The following DGKH variants were observed in gnomAD, a reference collection of about 807,000 sequenced individuals.
The protein encoded by DGKH is diacylglycerol kinase eta.
DGKH carries 90 observed loss-of-function variants against 159.3 expected under a neutral mutation model. The observed-to-expected ratio is 0.57, with a 90% CI of 0.48 to 0.67. The LOEUF (loss-of-function observed/expected upper bound fraction) is 0.67, where lower values mean the gene tolerates loss of function less well. DGKH is among the 30% of genes least tolerant of loss of function. The probability of loss-of-function intolerance (pLI) is 0.00; values close to 1 mark genes in which losing one functional copy is unlikely to be tolerated. For missense variants in DGKH, 1,181 were observed against 1,506.1 expected, an observed-to-expected ratio of 0.78 and a Z score of 3.57; for synonymous variants, 536 against 553.8, an observed-to-expected ratio of 0.97 and a Z score of 0.45.
chr13:42,190,096 GTTAAT>G (rs1306137070), intron 15 of DGKH, among the ~76,000 whole-genome samples: 1 of 152,132 alleles, frequency 6.6e-6, no homozygotes, highest in African/African-American at 2.4e-5. Flanking sequence ...TAGTCTAAAT[GTTAAT>G]TTTAGTATGA....
Position 42,155,668 on chromosome 13 carries a change from T to A in DGKH, c.491T>A (p.Val164Glu), listed in dbSNP as rs956573742. 2 of 1,614,072 alleles carry A rather than the reference T, an allele frequency of 1.2e-6. No homozygotes were observed. The highest frequency in any genetic ancestry group is 1.7e-6 in the Non-Finnish European group (2 of 1,180,028). ...KSVQTREPYEVAQFNVEHFSG... is the reference protein window; with the variant it reads ...KSVQTREPYEEAQFNVEHFSG... The stretch of plus-strand genomic sequence containing the variant: ...TCTGTCCTCACATCTCATTTCTAGG[T>A]GGCCCAGTTTAATGTGGAACATTTC... Residue 164 changes from valine to glutamate, a missense_variant and splice_region_variant, in exon 5 of 30, where the codon GTG becomes GAG. Around this residue, in one of 5 missense-constraint regions of DGKH, gnomAD observed 369 missense variants for 519.4 expected, o/e 0.71. Coordinates refer to ENST00000337343, the MANE Select transcript of DGKH (RefSeq NM_178009.5).
At chr13:42,224,110 A>C (rs1288152244) in intron 29 of DGKH, among the ~76,000 whole-genome samples, 1 of 152,194 alleles carries the variant, frequency 6.6e-6, no homozygotes, top group East Asian at 1.9e-4. Flanking sequence ...TGGCTGAATA[A>C]TATTCCAATG....
At position 42,236,238 on chromosome 13, in the gene DGKH, T is replaced by G. The variant is rs1384521292; in HGVS notation, c.*7050T>G. 2.6e-5 allele frequency: 4 copies of G among 152,212 alleles called. No individual in the cohort carries two copies. The highest frequency in any genetic ancestry group is 9.6e-5 in the African/African-American group (4 of 41,462). The allele number at this position is 152,212 out of a possible 1,614,324, so 9.4% of individuals were successfully genotyped here. A position where few individuals can be genotyped will look rare whatever the true frequency, so the allele number is the denominator to read the frequency against. ...CTTTATATGAAATACATATTCTAGC[T>G]CTTTTCCTTTTTACTGCTGTTGTTT... On this transcript the variant is annotated 3_prime_UTR_variant, in exon 30 of 30. Coordinates refer to ENST00000337343, the MANE Select transcript of DGKH (RefSeq NM_178009.5).
At chr13:42,218,572 T>C (rs550688168) in intron 26 of DGKH, among the ~76,000 whole-genome samples, 1 of 150,050 alleles carries the variant, frequency 6.7e-6, no homozygotes, top group African/African-American at 2.5e-5. Context: ...GCAGTGGCGC[T>C]ATCTCTGCTC....
intron 1 of DGKH, among the ~76,000 whole-genome samples, chr13:42,050,897 T>A (rs1464204283): frequency 2.0e-5 from 3 of 152,196 alleles, no homozygotes; most frequent in African/African-American, 7.2e-5. Context: ...GTATGTTACA[T>A]ATTTATATGA....
At chr13:42,219,662 T>C in intron 27 of DGKH, 24 bp from the exon 28 acceptor site, 1 of 1,597,742 alleles carries the variant, frequency 6.3e-7, no homozygotes, top group Non-Finnish European at 8.5e-7. Context: ...CTGAAAAAAT[T>C]ATTTTCTTGC....
At chr13:42,071,529 C>G (rs1021944301) in intron 1 of DGKH, among the ~76,000 whole-genome samples, 41 of 152,236 alleles carry the variant, frequency 2.7e-4, no homozygotes, top group African/African-American at 9.4e-4. Context: ...CAGTGTTGGA[C>G]TGGTCCTGAG....
At chr13:42,139,885 C>T (rs1483936422) in intron 3 of DGKH, among the ~76,000 whole-genome samples, 1 of 152,134 alleles carries the variant, frequency 6.6e-6, no homozygotes, top group African/African-American at 2.4e-5. Flanking sequence ...AGTATGTGGC[C>T]TTGTGAATAG....
At chr13:42,134,402 A>G (rs1955357229) in intron 3 of DGKH, among the ~76,000 whole-genome samples, 2 of 152,344 alleles carry the variant, frequency 1.3e-5, no homozygotes, top group South Asian at 4.1e-4. Flanking sequence ...TCTGGAGTTA[A>G]TAACTTTGTT....
At chr13:42,043,109 T>C (rs1264940141) in intron 1 of DGKH, among the ~76,000 whole-genome samples, 2 of 152,174 alleles carry the variant, frequency 1.3e-5, no homozygotes, top group African/African-American at 4.8e-5. Flanking sequence ...CCTTTAAGAA[T>C]CTGATCAAAG....
intron 1 of DGKH, chr13:42,070,917 G>A (rs1882922820): frequency 1.6e-6 from 2 of 1,263,666 alleles, no homozygotes; most frequent in South Asian, 2.4e-5. Flanking sequence ...GAGCATGTTT[G>A]ACACTCTGGG....
At chr13:42,053,863 A>G (rs1345882555) in intron 1 of DGKH, among the ~76,000 whole-genome samples, 1 of 151,934 alleles carries the variant, frequency 6.6e-6, no homozygotes, top group Non-Finnish European at 1.5e-5. Context: ...CTTGTGATCC[A>G]CCTGCCTTGG....
At chr13:42,226,831 C>G (rs1022148188) in intron 29 of DGKH, among the ~76,000 whole-genome samples, 1 of 148,054 alleles carries the variant, frequency 6.8e-6, no homozygotes, top group Non-Finnish European at 1.5e-5. Context: ...CACTCCAGCC[C>G]AAGCGACAGT....
chr13:42,071,763 C>T (rs1292793396), intron 1 of DGKH, among the ~76,000 whole-genome samples: 4 of 152,192 alleles, frequency 2.6e-5, no homozygotes, highest in African/African-American at 7.2e-5. Context: ...GTGCAGGCCC[C>T]GCGGACAGCC....
intron 1 of DGKH, 88 bp downstream of exon 1, chr13:42,049,053 G>C: frequency 3.2e-5 from 1 of 30,922 alleles, no homozygotes; most frequent in Non-Finnish European, 5.1e-5. Flanking sequence ...GGGCGATCCC[G>C]GGAAGGCGGG....
chr13:42,161,738 C>T (rs1278769232), intron 7 of DGKH, among the ~76,000 whole-genome samples: 1 of 151,346 alleles, frequency 6.6e-6, no homozygotes, highest in Non-Finnish European at 1.5e-5. Flanking sequence ...TGAGATCGTG[C>T]CACTGCACTC....
intron 1 of DGKH, among the ~76,000 whole-genome samples, chr13:42,043,331 G>GT (rs976359811): frequency 6.6e-6 from 1 of 151,698 alleles, no homozygotes; most frequent in Non-Finnish European, 1.5e-5. Context: ...CCATTTCAAA[G>GT]TTTTTTTTTA....
chr13:42,167,338 A>T (rs1027199185), intron 9 of DGKH, among the ~76,000 whole-genome samples: 5 of 152,218 alleles, frequency 3.3e-5, no homozygotes, highest in Non-Finnish European at 5.9e-5. Flanking sequence ...ACTTACAGCA[A>T]CTCAGCTTTT....
chr13:42,095,136 C>T (rs1194923734), intron 1 of DGKH, among the ~76,000 whole-genome samples: 1 of 146,958 alleles, frequency 6.8e-6, no homozygotes, highest in Non-Finnish European at 1.5e-5. Context: ...ATATAGCAGC[C>T]GCTCAATAAA....
Sources: allele counts gnomAD v4.1 joint callset (sites outside exome capture counted in the v4.1 genomes callset), GRCh38; gene constraint gnomAD v4.1.1; regional missense constraint gnomAD v4.1.1; transcripts MANE v1.5; gene names NCBI Gene and HGNC (gene_info 2026-07-23, HGNC 2026-07-21).